Variants in DIPK1A observed in about 807,000 individuals in gnomAD.
DIPK1A encodes divergent protein kinase domain 1A.
Under a neutral mutation model 40.8 loss-of-function variants are expected in DIPK1A, and 27 were observed. That is an observed-to-expected ratio of 0.66 (90% CI 0.49 to 0.91). DIPK1A has a LOEUF of 0.91. DIPK1A is among the 40% of genes least tolerant of loss of function. The pLI, the probability that DIPK1A is intolerant of heterozygous loss-of-function variation, is 0.00. For synonymous variants in DIPK1A, 166 were observed against 171.3 expected, an observed-to-expected ratio of 0.97 and a Z score of 0.24; for missense variants, 412 against 505.7, an observed-to-expected ratio of 0.81 and a Z score of 1.78.
At chr1:92,881,356 G>T (rs576033866) in intron 1 of DIPK1A, among the ~76,000 whole-genome samples, 26 of 141,722 alleles carry the variant, frequency 1.8e-4, no homozygotes, top group Non-Finnish European at 2.4e-4. Flanking sequence ...AAGGCATTAT[G>T]AGTCTACTGG....
At chr1:92,916,753 T>G (rs1201882131) in intron 1 of DIPK1A, among the ~76,000 whole-genome samples, 1 of 152,192 alleles carries the variant, frequency 6.6e-6, no homozygotes, top group African/African-American at 2.4e-5. Context: ...TCTAAGAAAG[T>G]AGAGGTTTCC....
At chr1:92,920,909 T>C (rs1052860796) in intron 1 of DIPK1A, among the ~76,000 whole-genome samples, 5 of 152,062 alleles carry the variant, frequency 3.3e-5, no homozygotes, top group African/African-American at 1.2e-4. Flanking sequence ...AGATTTTGCA[T>C]AGGAGCCAGA....
chr1:92,951,148 A>C (rs184305327), intron 1 of DIPK1A, among the ~76,000 whole-genome samples: 2 of 152,206 alleles, frequency 1.3e-5, no homozygotes. Flanking sequence ...ATCCAACGCA[A>C]TCATACGAGC....
chr1:92,908,557 C>T (rs1571114449), intron 1 of DIPK1A, among the ~76,000 whole-genome samples: 1 of 152,228 alleles, frequency 6.6e-6, no homozygotes, highest in East Asian at 1.9e-4. Context: ...AGAAGCCAGA[C>T]TGGAGTAGGC....
chr1:92,903,557 G>A (rs1257746667), intron 1 of DIPK1A, among the ~76,000 whole-genome samples: 1 of 152,132 alleles, frequency 6.6e-6, no homozygotes, highest in African/African-American at 2.4e-5. Context: ...GATAAGAGCT[G>A]GTGAATGACC....
chr1:92,931,107 A>G (rs1650729431), intron 1 of DIPK1A: 1 of 152,092 alleles, frequency 6.6e-6, no homozygotes, highest in East Asian at 1.9e-4. Context: ...ATTTTTTTAA[A>G]TTAATAGATT....
chr1:92,877,129 A>G, intron 1 of DIPK1A: 1 of 985,444 alleles, frequency 1.0e-6, no homozygotes, highest in South Asian at 4.7e-5. Context: ...GTAAAGCTGC[A>G]CAATAGGATC....
intron 1 of DIPK1A, among the ~76,000 whole-genome samples, chr1:92,880,403 A>G (rs1410347609): frequency 6.6e-6 from 1 of 152,186 alleles, no homozygotes; most frequent in Non-Finnish European, 1.5e-5. Context: ...GATGACACAA[A>G]ATGCCAATTC....
chr1:92,872,545 A>G (rs1390878220), intron 2 of DIPK1A, among the ~76,000 whole-genome samples: 1 of 152,102 alleles, frequency 6.6e-6, no homozygotes, highest in East Asian at 1.9e-4. Flanking sequence ...TGCTTCTAGT[A>G]TCTGTGTTTA....
chr1:92,876,049 C>T (rs1261826814), intron 2 of DIPK1A, among the ~76,000 whole-genome samples: 1 of 149,754 alleles, frequency 6.7e-6, no homozygotes, highest in East Asian at 1.9e-4. Context: ...TAATAAAAAT[C>T]CTTCTTTGTA....
chr1:92,894,147 G>C (rs1263540782), intron 1 of DIPK1A, among the ~76,000 whole-genome samples: 6 of 152,130 alleles, frequency 3.9e-5, no homozygotes, highest in Non-Finnish European at 8.8e-5. Flanking sequence ...TCTGCACCAA[G>C]CGGACCTAAT....
chr1:92,936,888 C>A (rs1650966472), intron 1 of DIPK1A, among the ~76,000 whole-genome samples: 1 of 152,254 alleles, frequency 6.6e-6, no homozygotes, highest in South Asian at 2.1e-4. Flanking sequence ...TGCTTTTCTA[C>A]TACTTGAGAC....
intron 2 of DIPK1A, among the ~76,000 whole-genome samples, chr1:92,859,280 G>A (rs1423733992): frequency 1.3e-5 from 2 of 152,034 alleles, no homozygotes; most frequent in Non-Finnish European, 2.9e-5. Flanking sequence ...CACGTCTCTC[G>A]TCAACACCCT....
intron 1 of DIPK1A, among the ~76,000 whole-genome samples, chr1:92,955,653 G>A (rs1251460046): frequency 1.4e-5 from 2 of 144,802 alleles, no homozygotes; most frequent in Non-Finnish European, 1.5e-5. Flanking sequence ...AGCTGAGATC[G>A]CACCACTGCA....
At chr1:92,897,947 A>G (rs999760583) in intron 1 of DIPK1A, among the ~76,000 whole-genome samples, 3 of 152,072 alleles carry the variant, frequency 2.0e-5, no homozygotes, top group Non-Finnish European at 4.4e-5. Flanking sequence ...AAAAATACAA[A>G]AATTAGCCAT....
At chr1:92,875,477 G>A (rs1648074111) in intron 2 of DIPK1A, among the ~76,000 whole-genome samples, 2 of 152,140 alleles carry the variant, frequency 1.3e-5, no homozygotes, top group Admixed American at 6.6e-5. Context: ...AGCTCTTTGG[G>A]AAGTCAAGGA....
At chr1:92,938,433 G>A (rs1182099295) in intron 1 of DIPK1A, among the ~76,000 whole-genome samples, 2 of 142,138 alleles carry the variant, frequency 1.4e-5, no homozygotes, top group East Asian at 4.2e-4. Flanking sequence ...TCACACCACT[G>A]CACTCCAGCC....
At chr1:92,906,267 T>A (rs1649619017) in intron 1 of DIPK1A, among the ~76,000 whole-genome samples, 1 of 152,160 alleles carries the variant, frequency 6.6e-6, no homozygotes, top group Non-Finnish European at 1.5e-5. Context: ...AATATATGGA[T>A]AATAGGGCCA....
At chr1:92,958,137 T>C (rs1369316795) in intron 1 of DIPK1A, among the ~76,000 whole-genome samples, 2 of 152,240 alleles carry the variant, frequency 1.3e-5, no homozygotes, top group Non-Finnish European at 2.9e-5. Flanking sequence ...TCTCTTCTGC[T>C]ATATAAGCAA....
Sources: allele counts gnomAD v4.1 joint callset (sites outside exome capture counted in the v4.1 genomes callset), GRCh38; gene constraint gnomAD v4.1.1; transcripts MANE v1.5; gene names NCBI Gene and HGNC (gene_info 2026-07-23, HGNC 2026-07-21).